SAXO5: variants seen among roughly 807,000 people sequenced by gnomAD.
SAXO5 encodes stabilizer of axonemal microtubules 5, also known as testis expressed 45.
the SAXO5 span, chr19:7,501,466 C>A: frequency 7.3e-7 from 1 of 1,367,972 alleles, no homozygotes; most frequent in Middle Eastern, 2.6e-4. Flanking sequence ...GGGGCAAGGG[C>A]TCTTCATTCC....
the SAXO5 span, among the ~76,000 whole-genome samples, chr19:7,507,435 TAGTC>T: frequency 3.6e-4 from 55 of 151,754 alleles, no homozygotes; most frequent in African/African-American, 1.3e-3. Flanking sequence ...ATACAAAAAT[TAGTC>T]AGGCATGGTG....
chr19:7,498,168 C>T, the SAXO5 span, among the ~76,000 whole-genome samples: 17 of 123,690 alleles, frequency 1.4e-4, no homozygotes, highest in Admixed American at 1.1e-3. Context: ...CACACACACA[C>T]ATACACACAC....
chr19:7,503,685 G>A, the SAXO5 span, among the ~76,000 whole-genome samples: 12 of 152,202 alleles, frequency 7.9e-5, no homozygotes, highest in South Asian at 4.1e-4. Flanking sequence ...GGGTTTCACC[G>A]TATTGATCAG....
the SAXO5 span, chr19:7,507,198 G>A: frequency 1.4e-6 from 2 of 1,445,908 alleles, no homozygotes; most frequent in South Asian, 1.1e-5. Flanking sequence ...TTGGTGTAGA[G>A]TTATCTCAGG....
chr19:7,505,427 A>G, the SAXO5 span: 2 of 1,614,084 alleles, frequency 1.2e-6, no homozygotes, highest in Non-Finnish European at 1.7e-6. Flanking sequence ...CTTCTATGCC[A>G]GGGAGCCAGG....
chr19:7,508,418 C>T, the SAXO5 span: 1 of 1,609,142 alleles, frequency 6.2e-7, no homozygotes. Context: ...ACCTGTGCCC[C>T]AGCCAGCAAT....
chr19:7,506,055 G>A, the SAXO5 span: 10 of 1,613,758 alleles, frequency 6.2e-6, no homozygotes, highest in South Asian at 2.2e-5. Context: ...CTACTCAAAC[G>A]CTTCTTCAAG....
At chr19:7,506,682 T>G in the SAXO5 span, 1 of 350,670 alleles carries the variant, frequency 2.9e-6, no homozygotes, top group Non-Finnish European at 5.4e-6. Flanking sequence ...CTCCAGCTCC[T>G]CCCTCTTCCC....
chr19:7,507,927 A>G, the SAXO5 span, among the ~76,000 whole-genome samples: 1 of 152,052 alleles, frequency 6.6e-6, no homozygotes, highest in African/African-American at 2.4e-5. Context: ...CAAATTGACC[A>G]GAACCCCAAC....
At chr19:7,497,916 C>T in the SAXO5 span, among the ~76,000 whole-genome samples, 609 of 151,958 alleles carry the variant, frequency 4.0e-3, 3 homozygotes, top group African/African-American at 0.013. Context: ...TTTGGGAGGC[C>T]GAGGAGGGTG....
At chr19:7,505,961 C>T in the SAXO5 span, 7 of 1,574,930 alleles carry the variant, frequency 4.4e-6, no homozygotes, top group African/African-American at 6.8e-5. Context: ...TGTGGTCCTA[C>T]AGCCGCCACC....
At chr19:7,508,417 C>T in the SAXO5 span, 180 of 1,609,140 alleles carry the variant, frequency 1.1e-4, no homozygotes, top group Non-Finnish European at 1.5e-4. Context: ...TACCTGTGCC[C>T]CAGCCAGCAA....
the SAXO5 span, among the ~76,000 whole-genome samples, chr19:7,500,577 TG>T: frequency 6.6e-6 from 1 of 152,294 alleles, no homozygotes; most frequent in African/African-American, 2.4e-5. Context: ...CCCAAAGTGC[TG>T]AGATTACAGG....
At chr19:7,504,973 C>A in the SAXO5 span, among the ~76,000 whole-genome samples, 1 of 146,564 alleles carries the variant, frequency 6.8e-6, no homozygotes, top group East Asian at 2.0e-4. Flanking sequence ...GCTTCTTCTT[C>A]TTCTTTTTTT....
At chr19:7,501,095 G>T in the SAXO5 span, 6 of 1,500,566 alleles carry the variant, frequency 4.0e-6, no homozygotes, top group South Asian at 7.5e-5. Flanking sequence ...CGCCATCCAC[G>T]CCGCCGTGGG....
chr19:7,501,270 C>T, the SAXO5 span: 1 of 1,572,782 alleles, frequency 6.4e-7, no homozygotes, highest in East Asian at 2.4e-5. Flanking sequence ...CGGCGCGCGC[C>T]TCATCTTCGA....
At chr19:7,500,765 A>G in the SAXO5 span, 1 of 1,366,978 alleles carries the variant, frequency 7.3e-7, no homozygotes. Context: ...CAAGTGCCCC[A>G]ATGGGCACTT....
At chr19:7,506,855 TC>T in the SAXO5 span, 1 of 552,966 alleles carries the variant, frequency 1.8e-6, no homozygotes, top group Non-Finnish European at 3.2e-6. Flanking sequence ...CCTCCCTCTT[TC>T]CCAGCTCCTC....
the SAXO5 span, chr19:7,505,909 C>T: frequency 2.0e-6 from 3 of 1,505,436 alleles, no homozygotes; most frequent in South Asian, 1.3e-5. Flanking sequence ...CCCTCCCCCC[C>T]GGGCCCGGGG....
Sources: allele counts gnomAD v4.1 joint callset (sites outside exome capture counted in the v4.1 genomes callset), GRCh38; gene constraint gnomAD v4.1.1; transcripts MANE v1.5; gene names NCBI Gene and HGNC (gene_info 2026-07-23, HGNC 2026-07-21).